Variants in VAV3 observed in about 807,000 individuals in gnomAD.
VAV3 encodes vav guanine nucleotide exchange factor 3.
Under a neutral mutation model 131.2 loss-of-function variants are expected in VAV3, and 94 were observed. That is an observed-to-expected ratio of 0.72 (90% confidence interval 0.61 to 0.85). The LOEUF is 0.85. VAV3 is among the 40% of genes least tolerant of loss of function. VAV3 has a pLI of 0.00. For missense variants in VAV3, 939 were observed against 1,002.7 expected (o/e 0.94, Z 0.86); for synonymous variants, 349 against 342.0 (o/e 1.02, Z -0.22).
At chr1:107,889,132 A>T (rs866958221) in intron 1 of VAV3, among the ~76,000 whole-genome samples, 6 of 141,924 alleles carry the variant, frequency 4.2e-5, no homozygotes, top group Non-Finnish European at 9.1e-5. Flanking sequence ...TCCTGTGTAG[A>T]GTGTGTGTGT....
chr1:107,705,896 A>G (rs997901269), intron 15 of VAV3, among the ~76,000 whole-genome samples: 3 of 152,202 alleles, frequency 2.0e-5, no homozygotes, highest in Non-Finnish European at 4.4e-5. Flanking sequence ...GCTTTTGGCC[A>G]CTGAAACTAT....
At chr1:107,585,737 T>A (rs930497879) in intron 25 of VAV3, among the ~76,000 whole-genome samples, 1 of 152,186 alleles carries the variant, frequency 6.6e-6, no homozygotes, top group African/African-American at 2.4e-5. Context: ...AAACAGAGCT[T>A]ATTGTGGGAA....
chr1:107,671,338 G>C (rs1197253383), intron 19 of VAV3, among the ~76,000 whole-genome samples: 11 of 152,172 alleles, frequency 7.2e-5, no homozygotes, highest in Non-Finnish European at 1.6e-4. Context: ...TGCCAGGCAG[G>C]AATCCAAAGT....
At chr1:107,757,122 T>C (rs1664146249) in intron 11 of VAV3, 139 bp downstream of exon 11, 2 of 556,728 alleles carry the variant, frequency 3.6e-6, no homozygotes, top group Non-Finnish European at 6.0e-6. Flanking sequence ...TATGTGTATA[T>C]ATATATGTTT....
intron 1 of VAV3, among the ~76,000 whole-genome samples, chr1:107,960,432 C>T (rs72985478): frequency 1.3e-5 from 2 of 151,446 alleles, no homozygotes; most frequent in East Asian, 1.9e-4. Flanking sequence ...GGCCACTGCA[C>T]GCCAACTTGG....
chr1:107,633,894 C>T (rs369450512), intron 20 of VAV3, among the ~76,000 whole-genome samples: 1 of 152,000 alleles, frequency 6.6e-6, no homozygotes, highest in Non-Finnish European at 1.5e-5. Flanking sequence ...CACGGGCATT[C>T]GAGACCTTAC....
At chr1:107,839,249 A>C (rs1668593852) in intron 2 of VAV3, among the ~76,000 whole-genome samples, 1 of 152,178 alleles carries the variant, frequency 6.6e-6, no homozygotes, top group Admixed American at 6.6e-5. Flanking sequence ...CTTATGACCA[A>C]ATACAAAACT....
intron 1 of VAV3, among the ~76,000 whole-genome samples, chr1:107,913,463 T>C (rs1425993413): frequency 1.3e-5 from 2 of 152,196 alleles, no homozygotes; most frequent in Non-Finnish European, 1.5e-5. Context: ...TGCTCTAAAT[T>C]ATAATCAGAT....
chr1:107,796,861 A>G (rs941370395), intron 2 of VAV3, among the ~76,000 whole-genome samples: 3 of 151,476 alleles, frequency 2.0e-5, no homozygotes, highest in Admixed American at 6.6e-5. Context: ...ATAAGTGCAT[A>G]CTGATTAAAA....
intron 2 of VAV3, among the ~76,000 whole-genome samples, chr1:107,850,123 G>C (rs941537164): frequency 6.6e-6 from 1 of 152,202 alleles, no homozygotes; most frequent in African/African-American, 2.4e-5. Flanking sequence ...CCATTGGTGG[G>C]AGTGTAAATT....
At chr1:107,872,856 C>T (rs1163636304) in intron 2 of VAV3, among the ~76,000 whole-genome samples, 4 of 152,160 alleles carry the variant, frequency 2.6e-5, no homozygotes, top group African/African-American at 9.7e-5. Flanking sequence ...ACAAATTATA[C>T]ATGAAGACTG....
At chr1:107,698,290 G>A (rs539663844) in intron 17 of VAV3, among the ~76,000 whole-genome samples, 8 of 152,246 alleles carry the variant, frequency 5.3e-5, no homozygotes, top group East Asian at 3.9e-4. Context: ...TTTCCCGGGC[G>A]AGCAACATGC....
At chr1:107,654,748 A>G (rs989122502) in intron 19 of VAV3, among the ~76,000 whole-genome samples, 3 of 152,078 alleles carry the variant, frequency 2.0e-5, no homozygotes, top group Admixed American at 6.6e-5. Flanking sequence ...CAAATGTAGC[A>G]TAACAAGCTA....
intron 17 of VAV3, among the ~76,000 whole-genome samples, chr1:107,700,596 T>G (rs1277982628): frequency 6.6e-6 from 1 of 152,222 alleles, no homozygotes; most frequent in East Asian, 1.9e-4. Flanking sequence ...GATAATGGCT[T>G]CCAGCTCCGT....
chr1:107,578,890 A>G, intron 25 of VAV3: 1 of 985,198 alleles, frequency 1.0e-6, no homozygotes, highest in Non-Finnish European at 1.2e-6. Flanking sequence ...AGTTAGCTCT[A>G]GAAGAGAGAA....
intron 17 of VAV3, among the ~76,000 whole-genome samples, chr1:107,700,723 C>A (rs777173628): frequency 1.3e-5 from 2 of 152,174 alleles, no homozygotes; most frequent in South Asian, 4.1e-4. Context: ...GGGCTGATTC[C>A]GTGCTTTTGC....
At chr1:107,907,137 A>C (rs1672147547) in intron 1 of VAV3, among the ~76,000 whole-genome samples, 1 of 152,246 alleles carries the variant, frequency 6.6e-6, no homozygotes, top group South Asian at 2.1e-4. Flanking sequence ...GCAAAATACA[A>C]GTCAGAAAAG....
At chr1:107,918,038 C>A (rs1672705674) in intron 1 of VAV3, among the ~76,000 whole-genome samples, 1 of 152,144 alleles carries the variant, frequency 6.6e-6, no homozygotes, top group Admixed American at 6.5e-5. Flanking sequence ...GAATACCTTT[C>A]CTATGGGAAC....
chr1:107,582,221 A>C (rs1299125745), intron 25 of VAV3, among the ~76,000 whole-genome samples: 1 of 152,174 alleles, frequency 6.6e-6, no homozygotes, highest in Non-Finnish European at 1.5e-5. Flanking sequence ...GCCTAACACC[A>C]GAGAACATGC....
Sources: gnomAD v4.1 joint callset for allele counts (sites outside exome capture counted in the v4.1 genomes callset) on GRCh38, gnomAD v4.1.1 for gene constraint, MANE v1.5 for transcripts, NCBI Gene and HGNC (gene_info 2026-07-23, HGNC 2026-07-21) for gene names.